Variants in GRM5 observed in about 807,000 individuals in gnomAD.
The protein encoded by GRM5 is glutamate metabotropic receptor 5.
A neutral mutation model predicts 83.1 loss-of-function variants in GRM5; 19 were observed. The ratio of observed to expected loss-of-function variants is 0.23; its 90% confidence interval spans 0.16 to 0.34. GRM5 has a LOEUF of 0.34. GRM5 is among the 10% of genes least tolerant of loss of function. The probability of loss-of-function intolerance (pLI) is 1.00; values close to 1 mark genes in which losing one functional copy is unlikely to be tolerated. For synonymous variants in GRM5, 675 were observed against 633.6 expected (o/e 1.07, Z -0.98); for missense variants, 1,160 against 1,588.3 (o/e 0.73, Z 4.58).
intron 1 of GRM5, among the ~76,000 whole-genome samples, chr11:89,064,606 G>A (rs964348275): frequency 1.2e-4 from 18 of 152,138 alleles, no homozygotes; most frequent in African/African-American, 4.1e-4. Context: ...ACTACTGCAT[G>A]GGACCTTCAT....
intron 2 of GRM5, among the ~76,000 whole-genome samples, chr11:88,992,186 T>C (rs1024580575): frequency 6.6e-6 from 1 of 151,606 alleles, no homozygotes; most frequent in African/African-American, 2.4e-5. Context: ...AACAAACAAC[T>C]CCATCAAAAA....
At position 88,705,615 on chromosome 11, in the gene GRM5, T is replaced by TG. The variant is rs1352359513; in HGVS notation, c.912-52213_912-52212insC. Among the ~76,000 whole-genome samples, 22 of 150,752 alleles carry TG rather than the reference T, an allele frequency of 1.5e-4. 1 individual carries two copies. The South Asian group carries it at 2.1e-3, about 14-fold the overall frequency. On this transcript the variant is annotated intron_variant, in intron 3 of 9. Coordinates refer to ENST00000305447, the MANE Select transcript of GRM5 (RefSeq NM_001143831.3). ...AGTAGAGCAGGGTTTTTTGTTTGTT[T>TG]TTTTTTCTCCTACCTTGCTGCCATT...
intron 8 of GRM5, among the ~76,000 whole-genome samples, chr11:88,528,005 G>T (rs1941920690): frequency 6.6e-6 from 1 of 151,948 alleles, no homozygotes; most frequent in African/African-American, 2.4e-5. Context: ...CCTGGGTGAT[G>T]AAATAATCTG....
At chr11:89,027,112 T>C (rs1017432890) in intron 2 of GRM5, among the ~76,000 whole-genome samples, 7 of 152,020 alleles carry the variant, frequency 4.6e-5, no homozygotes, top group South Asian at 2.1e-4. Context: ...TCTTTTTTTT[T>C]TTGAGATGGA....
intron 2 of GRM5, among the ~76,000 whole-genome samples, chr11:88,905,230 G>A (rs1323026871): frequency 1.3e-5 from 2 of 152,314 alleles, no homozygotes; most frequent in African/African-American, 2.4e-5. Flanking sequence ...TGTTCCCAAC[G>A]ATAGGGCCAT....
chr11:88,683,546 C>T (rs903361312), intron 3 of GRM5, among the ~76,000 whole-genome samples: 1 of 152,142 alleles, frequency 6.6e-6, no homozygotes. Flanking sequence ...TCTGTCAGTT[C>T]TCATTGTCTT....
intron 9 of GRM5, among the ~76,000 whole-genome samples, chr11:88,524,804 G>A (rs936464749): frequency 2.0e-5 from 3 of 152,218 alleles, no homozygotes; most frequent in Admixed American, 6.5e-5. Context: ...GTTTGGCAAG[G>A]CATTTGCCCT....
intron 2 of GRM5, among the ~76,000 whole-genome samples, chr11:89,031,444 T>G (rs923290830): frequency 6.6e-6 from 1 of 151,846 alleles, no homozygotes; most frequent in Non-Finnish European, 1.5e-5. Flanking sequence ...CTTTTTGGAA[T>G]TGTGAAAAAT....
intron 3 of GRM5, among the ~76,000 whole-genome samples, chr11:88,676,368 T>G (rs1940328208): frequency 6.6e-6 from 1 of 152,008 alleles, no homozygotes; most frequent in Non-Finnish European, 1.5e-5. Flanking sequence ...TGCTATCATT[T>G]GAGATACAAT....
chr11:88,827,427 TA>T (rs1943911436), intron 3 of GRM5, among the ~76,000 whole-genome samples: 1 of 152,256 alleles, frequency 6.6e-6, no homozygotes, highest in Non-Finnish European at 1.5e-5. Flanking sequence ...TTTTAGTTTT[TA>T]GTTTTCTACA....
At chr11:88,717,293 C>T (rs1351587898) in intron 3 of GRM5, among the ~76,000 whole-genome samples, 7 of 151,734 alleles carry the variant, frequency 4.6e-5, no homozygotes. Flanking sequence ...CATAGGCAAA[C>T]AGTTGTTAAT....
At chr11:88,636,454 G>A (rs894980977) in intron 4 of GRM5, among the ~76,000 whole-genome samples, 4 of 152,110 alleles carry the variant, frequency 2.6e-5, no homozygotes, top group Non-Finnish European at 5.9e-5. Context: ...TTGAACACAG[G>A]AGGGGAGGTT....
At chr11:88,814,756 G>A (rs888853398) in intron 3 of GRM5, among the ~76,000 whole-genome samples, 5 of 151,716 alleles carry the variant, frequency 3.3e-5, no homozygotes, top group African/African-American at 7.3e-5. Context: ...ATTTAAACAA[G>A]CTATCAGGCA....
intron 3 of GRM5, among the ~76,000 whole-genome samples, chr11:88,829,130 T>C (rs912439575): frequency 6.6e-6 from 1 of 152,070 alleles, no homozygotes; most frequent in African/African-American, 2.4e-5. Flanking sequence ...GTGGCATGAC[T>C]TACAAGTATT....
intron 3 of GRM5, among the ~76,000 whole-genome samples, chr11:88,672,897 G>T (rs1024161071): frequency 6.6e-6 from 1 of 151,862 alleles, no homozygotes; most frequent in Non-Finnish European, 1.5e-5. Flanking sequence ...TATGCTGAGG[G>T]TACAGTGGTA....
chr11:88,847,327 C>T (rs1330423044), intron 3 of GRM5, among the ~76,000 whole-genome samples: 1 of 152,088 alleles, frequency 6.6e-6, no homozygotes, highest in African/African-American at 2.4e-5. Context: ...TTATTTCAAG[C>T]ACTTTTACAT....
rs544747207 is a variant in GRM5 at position 88,524,407 on chromosome 11, G to A, written c.2726+902C>T. On this transcript the variant is annotated intron_variant, in intron 9 of 9. Coordinates refer to ENST00000305447, the MANE Select transcript of GRM5 (RefSeq NM_001143831.3). ...TAATTTTTGTGTTTTTAGTAGAGAC[G>A]GGGTTTCACCACATTGGCTAGGCTG... Among the ~76,000 whole-genome samples, 65 of 151,822 alleles carry A rather than the reference G, an allele frequency of 4.3e-4. 2 individuals carry two copies. In the South Asian group the frequency reaches 0.013, roughly 30 times the overall value.
intron 2 of GRM5, among the ~76,000 whole-genome samples, chr11:88,892,455 A>C (rs1373285005): frequency 6.6e-6 from 1 of 152,006 alleles, no homozygotes; most frequent in African/African-American, 2.4e-5. Flanking sequence ...TGGCTTGAAG[A>C]GGTATTATCT....
At chr11:88,967,213 GTATA>G (rs56696998) in intron 2 of GRM5, among the ~76,000 whole-genome samples, 6 of 98,150 alleles carry the variant, frequency 6.1e-5, no homozygotes, top group Non-Finnish European at 1.2e-4. Context: ...GTGTGTGTGT[GTATA>G]TATGTGTGTG....
Sources: gnomAD v4.1 joint callset for allele counts (sites outside exome capture counted in the v4.1 genomes callset) on GRCh38, gnomAD v4.1.1 for gene constraint, MANE v1.5 for transcripts, NCBI Gene and HGNC (gene_info 2026-07-23, HGNC 2026-07-21) for gene names.